WNT5B: variants seen among roughly 807,000 people sequenced by gnomAD.
WNT5B encodes protein Wnt-5b.
A neutral mutation model predicts 36.5 loss-of-function variants in WNT5B; 18 were observed. The ratio of observed to expected loss-of-function variants is 0.49; its 90% CI spans 0.34 to 0.73. The LOEUF (loss-of-function observed/expected upper bound fraction) is 0.73, where lower values mean the gene tolerates loss of function less well. Ranked by LOEUF, WNT5B falls within the 30% of genes least tolerant of loss-of-function variation. The pLI is 0.01. For synonymous variants in WNT5B, 213 were observed against 212.3 expected (o/e 1.00, Z -0.03); for missense variants, 424 against 508.4 (o/e 0.83, Z 1.60).
At chr12:1,626,096 A>C (rs1460520933), upstream of WNT5B, among the ~76,000 whole-genome samples, 1 of 150,624 alleles carries the variant, frequency 6.6e-6, no homozygotes, top group African/African-American at 2.5e-5. Flanking sequence ...CTCTGGCCTC[A>C]GCCTCCCAGG....
At chr12:1,619,733 C>G (rs188108561) in intron 1 of WNT5B, among the ~76,000 whole-genome samples, 1 of 152,080 alleles carries the variant, frequency 6.6e-6, no homozygotes, top group Non-Finnish European at 1.5e-5. Flanking sequence ...AATGCTGAGT[C>G]GGCTCCTGGC....
chr12:1,635,384 G>A (rs1174293340), intron 3 of WNT5B, among the ~76,000 whole-genome samples: 3 of 152,230 alleles, frequency 2.0e-5, no homozygotes, highest in African/African-American at 7.2e-5. Flanking sequence ...AAGTGAAAAC[G>A]TAAAAGGCTT....
intron 3 of WNT5B, among the ~76,000 whole-genome samples, chr12:1,637,348 G>T (rs1172887568): frequency 6.6e-6 from 1 of 152,146 alleles, no homozygotes; most frequent in African/African-American, 2.4e-5. Flanking sequence ...TCGAGATATT[G>T]TGGGTTTGCA....
Position 1,644,838 on chromosome 12 carries a change from G to A in WNT5B, c.622-956G>A, listed in dbSNP as rs924708627. ...TAACTCAAGTTCAAATCTACTCCACGTTGTGGCGGTTCTGTGACTTCTGGG... is the reference window on the plus strand; with the variant it reads ...TAACTCAAGTTCAAATCTACTCCACATTGTGGCGGTTCTGTGACTTCTGGG... On this transcript the variant is annotated intron_variant, in intron 4 of 4. Coordinates refer to ENST00000397196, the MANE Select transcript of WNT5B (RefSeq NM_032642.3). The surrounding 1 kb of genome is among the most constrained non-coding windows in gnomAD (Gnocchi z 5.1). 2 of 152,206 alleles carry A rather than the reference G, an allele frequency of 1.3e-5. No homozygotes were observed. Among genetic ancestry groups the A allele is most frequent in the Admixed American group, 6.5e-5 (1 of 15,284 alleles). 9.4% of individuals were successfully genotyped at this position (152,206 alleles called of 1,614,324 possible).
upstream of WNT5B, among the ~76,000 whole-genome samples, chr12:1,627,860 G>A (rs2094543363): frequency 6.6e-6 from 1 of 152,054 alleles, no homozygotes; most frequent in African/African-American, 2.4e-5. The surrounding 1 kb of genome is among the most constrained non-coding windows in gnomAD (Gnocchi z 5.0). Flanking sequence ...TCTTGATTCT[G>A]GTCCCCTCTT....
At chr12:1,639,368 G>A (rs1260770075) in intron 3 of WNT5B, among the ~76,000 whole-genome samples, 7 of 152,202 alleles carry the variant, frequency 4.6e-5, no homozygotes, top group Non-Finnish European at 1.0e-4. Context: ...TCGATCTCCT[G>A]ACCTCGTGGT....
At chr12:1,636,851 G>C (rs2094562730) in intron 3 of WNT5B, among the ~76,000 whole-genome samples, 1 of 152,020 alleles carries the variant, frequency 6.6e-6, no homozygotes. Flanking sequence ...GAGTAGCTGG[G>C]ATTACAGGCG....
Position 1,632,833 on chromosome 12 carries a change from CA to C in WNT5B, c.257del (p.Gln86ArgfsTer24). The C allele has an allele frequency of 6.2e-7, 1 of 1,614,166 alleles. No homozygotes were observed. Among genetic ancestry groups the C allele is most frequent in the Non-Finnish European group, 8.5e-7 (1 of 1,180,000 alleles). On this transcript the variant is annotated frameshift_variant, in exon 3 of 5. Transcript: ENST00000397196. LOFTEE classifies it high-confidence loss of function. This position sits in a 1 kb window ranked among gnomAD's most constrained non-coding sequence, Gnocchi z 5.8. ...GACTGGCATCAAGGAATGCCAGCAC[CA>C]GTTCCGGCAGCGGCGGTGGAATTGC... ...AKTGIKECQHQFRQRRWNCST... is the reference protein window; with the variant it reads ...AKTGIKECQHXFRQRRWNCST...
Position 1,632,104 on chromosome 12 carries a change from C to T in WNT5B, c.81-554C>T, listed in dbSNP as rs1452519107. 1.3e-5 allele frequency among the ~76,000 whole-genome samples: 2 copies of T among 152,104 alleles called. No individual in the cohort carries two copies. Among genetic ancestry groups the T allele is most frequent in the South Asian group, 2.1e-4 (1 of 4,828 alleles). On this transcript the variant is annotated intron_variant, in intron 2 of 4. Coordinates refer to ENST00000397196, the MANE Select transcript of WNT5B (RefSeq NM_032642.3). The surrounding 1 kb of genome is among the most constrained non-coding windows in gnomAD (Gnocchi z 5.8). ...GGCAGTGAAAACAAGTAGACTAGAT[C>T]GTGATGTATGTAAAGTGATTGGATT... is the stretch of plus-strand genomic sequence containing the variant.
In WNT5B at chr12:1,618,048, G is replaced by C. The variant is rs1443970328; in HGVS notation, c.-58+905G>C. Among the ~76,000 whole-genome samples the C allele has an allele frequency of 6.6e-6, 1 of 152,016 alleles. No homozygotes were observed. Among genetic ancestry groups the C allele is most frequent in the Non-Finnish European group, 1.5e-5 (1 of 67,982 alleles). Reference sequence around the variant, plus strand: ...TCCCAGCTACTCAGGAGGCTGAGGTGGGAGGATCGCTTGAGCCCAGGAGTT... The same window carrying C: ...TCCCAGCTACTCAGGAGGCTGAGGTCGGAGGATCGCTTGAGCCCAGGAGTT... On this transcript the variant is annotated intron_variant, in intron 1 of 4. Coordinates refer to the WNT5B transcript ENST00000310594. This position sits in a 1 kb window ranked among gnomAD's most constrained non-coding sequence, Gnocchi z 4.1.
Position 1,631,392 on chromosome 12 carries a change from T to A in WNT5B, c.38T>A (p.Leu13Gln). 6.2e-7 allele frequency: 1 copy of A among 1,614,184 alleles called. No individual in the cohort carries two copies. Among genetic ancestry groups the A allele is most frequent in the South Asian group, 1.1e-5 (1 of 91,088 alleles). ...SLLLLFTAAL[L>Q]SSWAQLLTDA... The stretch of plus-strand genomic sequence containing the variant: ...CTGCTGCTGTTCACGGCTGCTCTGC[T>A]GTCCAGCTGGGCTCAGCTTCTGACA... Residue 13 changes from leucine to glutamine, a missense_variant, in exon 2 of 5, where the codon CTG (leucine) becomes CAG (glutamine). Physicochemically the swap from Leu to Gln is moderately radical, Grantham distance 113 (BLOSUM62 -2). Coordinates refer to ENST00000397196, the MANE Select transcript of WNT5B (RefSeq NM_032642.3).
chr12:1,640,685 G>A (rs2094573366), intron 4 of WNT5B, among the ~76,000 whole-genome samples: 2 of 152,208 alleles, frequency 1.3e-5, no homozygotes, highest in African/African-American at 4.8e-5. Flanking sequence ...TGGGCCCCTA[G>A]GTGGCATGCT....
At chr12:1,623,184 G>GGTTTTTT (rs1272170104) in intron 1 of WNT5B, among the ~76,000 whole-genome samples, 3 of 53,492 alleles carry the variant, frequency 5.6e-5, no homozygotes, top group African/African-American at 2.2e-4. Context: ...AGGGTTTTTT[G>GGTTTTTT]TTGTTTTTTT....
chr12:1,618,243 C>CT lies in WNT5B; in HGVS notation c.-58+1100_-58+1101insT, dbSNP rs2094529522. Among the ~76,000 whole-genome samples, 2 of 152,192 alleles carry CT rather than the reference C, an allele frequency of 1.3e-5. No individual in the cohort carries two copies. Among genetic ancestry groups the CT allele is most frequent in the African/African-American group, 4.8e-5 (2 of 41,456 alleles). ...AAAAATACGCTCCATTTTGCAAACA[C>CT]AGTAGTACCTCTACTTGGTAGCACA... is the stretch of plus-strand genomic sequence containing the variant. On this transcript the variant is annotated intron_variant, in intron 1 of 4. Coordinates refer to the WNT5B transcript ENST00000310594. This position sits in a 1 kb window ranked among gnomAD's most constrained non-coding sequence, Gnocchi z 4.1.
chr12:1,631,220 TCTCCGCCTCACCCCGG>T, intron 1 of WNT5B, 62 bp from the exon 2 acceptor site: 1 of 1,379,494 alleles, frequency 7.2e-7, no homozygotes, highest in East Asian at 2.3e-5. Context: ...AGTGCAACTT[TCTCCGCCTCACCCCGG>T]CTCCTGGTCT....
At position 1,639,847 on chromosome 12, in the gene WNT5B, C is replaced by T. The variant is rs148300725; in HGVS notation, c.492C>T (p.Asn164=). The T allele has an allele frequency of 3.1e-4, 499 of 1,613,962 alleles. No homozygotes were observed. The highest frequency in any genetic ancestry group is 5.8e-4 in the Admixed American group (35 of 60,024). Residue 164 remains asparagine, a synonymous_variant, in exon 4 of 5, where the codon AAC becomes AAT. Coordinates refer to ENST00000397196, the MANE Select transcript of WNT5B (RefSeq NM_032642.3). ...GGCTGTGGGGCGGCTGTGGGGACAA[C>T]GTGGAGTACGGCTACCGCTTCGCCA... is the stretch of plus-strand genomic sequence containing the variant. ...RDWLWGGCGD[N]VEYGYRFAKE...
rs750214027 is a variant in WNT5B at position 1,639,805 on chromosome 12, G to A, written c.450G>A (p.Lys150=). ...GCTGCAGCCGGACGGCGCGGCCCAA[G>A]GACCTGCCCCGGGACTGGCTGTGGG... ...TCGCSRTARP[K]DLPRDWLWGG... Residue 150 remains lysine (K), a synonymous_variant, in exon 4 of 5, where the codon AAG becomes AAA. Coordinates refer to ENST00000397196, the MANE Select transcript of WNT5B (RefSeq NM_032642.3). 2.4e-5 allele frequency: 38 copies of A among 1,613,148 alleles called. No individual in the cohort carries two copies. The highest frequency in any genetic ancestry group is 3.0e-5 in the Non-Finnish European group (35 of 1,179,632).
At chr12:1,624,391 A>G (rs1283684081), upstream of WNT5B, among the ~76,000 whole-genome samples, 1 of 151,670 alleles carries the variant, frequency 6.6e-6, no homozygotes, top group East Asian at 1.9e-4. Flanking sequence ...AAAAAAAAAA[A>G]AAAAAAAAAA....
At chr12:1,617,650 G>A (rs2094528619) in intron 1 of WNT5B, among the ~76,000 whole-genome samples, 1 of 151,902 alleles carries the variant, frequency 6.6e-6, no homozygotes, top group South Asian at 2.1e-4. Context: ...AAAAGAAAAA[G>A]AAAAAAGAAC....
Sources: allele counts gnomAD v4.1 joint callset (sites outside exome capture counted in the v4.1 genomes callset), GRCh38; gene constraint gnomAD v4.1.1; non-coding constraint Gnocchi (gnomAD v3.1); transcripts MANE v1.5; gene names NCBI Gene and HGNC (gene_info 2026-07-23, HGNC 2026-07-21).